The following KAZALD1 variants were observed in gnomAD, a reference collection of about 807,000 sequenced individuals.
The protein encoded by KAZALD1 is Kazal type serine peptidase inhibitor domain 1.
Under a neutral mutation model 27.7 loss-of-function variants are expected in KAZALD1, and 31 were observed. The ratio of observed to expected loss-of-function variants is 1.12; its 90% CI spans 0.84 to 1.51. KAZALD1 has a LOEUF of 1.51. Ranked by LOEUF, KAZALD1 falls within the 40% of genes most tolerant of loss-of-function variation. The pLI, the probability that KAZALD1 is intolerant of heterozygous loss-of-function variation, is 0.00. For missense variants in KAZALD1, 444 were observed against 408.9 expected, an observed-to-expected ratio of 1.09 and a Z score of -0.74; for synonymous variants, 179 against 182.0, an observed-to-expected ratio of 0.98 and a Z score of 0.13.
chr10:101,064,713 A>G (rs1939272595), intron 4 of KAZALD1, 65 bp downstream of exon 4: 1 of 1,608,274 alleles, frequency 6.2e-7, no homozygotes, highest in South Asian at 1.1e-5. Context: ...TGAATGTGTA[A>G]GAAACAGACC....
At position 101,066,523 on chromosome 10, in the gene KAZALD1, G is replaced by C. The variant is rs1651304281; in HGVS notation, c.*1603G>C. On this transcript the variant is annotated 3_prime_UTR_variant, in exon 5 of 5. Transcript: ENST00000370200. ...CTGGATACCGGGAGCCGATTCCAGG[G>C]CGCCCACAGAAGCAGAATCAGAGGG... 2.2e-6 allele frequency: 1 copy of C among 454,602 alleles called. No homozygotes were observed. The highest frequency in any genetic ancestry group is 4.4e-6 in the Non-Finnish European group (1 of 225,410). 28.2% of individuals were successfully genotyped at this position (454,602 alleles called of 1,614,324 possible). A position where few individuals can be genotyped will look rare whatever the true frequency, so the allele number is the denominator to read the frequency against.
Position 101,066,197 on chromosome 10 carries a change from T to C in KAZALD1, c.*1277T>C. 1 of 341,500 alleles carries C rather than the reference T, an allele frequency of 2.9e-6. No homozygotes were observed. The highest frequency in any genetic ancestry group is 5.9e-6 in the Non-Finnish European group (1 of 170,546). The allele number at this position is 341,500 out of a possible 1,614,324, so 21.2% of individuals were successfully genotyped here. ...GCGAGGCCGAGGCGCTGTGTGTAGATGGCGACAGCCTCCTACACGCCAGGG... is the reference window on the plus strand; with the variant it reads ...GCGAGGCCGAGGCGCTGTGTGTAGACGGCGACAGCCTCCTACACGCCAGGG... On this transcript the variant is annotated 3_prime_UTR_variant, in exon 5 of 5. Coordinates refer to ENST00000370200, the MANE Select transcript of KAZALD1 (RefSeq NM_030929.5).
In KAZALD1 at chr10:101,064,358, C is replaced by G. The variant is rs554873403; in HGVS notation, c.609C>G (p.Ile203Met). The change falls in exon 3 of 5, where the codon ATC (isoleucine) becomes ATG (methionine). Residue 203 changes from isoleucine (I) to methionine (M), a missense_variant. By Grantham distance (10) the Ile-to-Met change is conservative (BLOSUM62 1). Transcript: ENST00000370200. ...CEVFAYPMAS[I>M]EWRKDGLDIQ... is the part of the protein sequence containing the mutation. ...TGTTTGCCTACCCCATGGCCTCCATCGAGTGGAGGAAGGATGGCTTGGACA... is the reference window on the plus strand; with the variant it reads ...TGTTTGCCTACCCCATGGCCTCCATGGAGTGGAGGAAGGATGGCTTGGACA... 3 of 1,614,132 alleles carry G rather than the reference C, an allele frequency of 1.9e-6. No individual in the cohort carries two copies. The highest frequency in any genetic ancestry group is 3.3e-5 in the Admixed American group (2 of 60,026).
At position 101,064,379 on chromosome 10, in the gene KAZALD1, G is replaced by A. The variant is rs1939257925; in HGVS notation, c.630G>A (p.Leu210=). The part of the protein sequence containing the change: ...MASIEWRKDG[L]DIQLPGDDPH... Reference sequence around the variant, plus strand: ...CCATCGAGTGGAGGAAGGATGGCTTGGACATCCAGCTGCCAGGGGATGACC... The same window carrying A: ...CCATCGAGTGGAGGAAGGATGGCTTAGACATCCAGCTGCCAGGGGATGACC... Residue 210 remains leucine (L), a synonymous_variant, in exon 3 of 5, where the codon TTG becomes TTA. Coordinates refer to ENST00000370200, the MANE Select transcript of KAZALD1 (RefSeq NM_030929.5). 1 of 1,614,212 alleles carries A rather than the reference G, an allele frequency of 6.2e-7. No individual in the cohort carries two copies.
Position 101,064,125 on chromosome 10 carries a change from A to G in KAZALD1, c.512-136A>G, listed in dbSNP as rs569525522. 9 of 819,790 alleles carry G rather than the reference A, an allele frequency of 1.1e-5. No individual in the cohort carries two copies. In the East Asian group the frequency reaches 2.4e-4, roughly 22 times the overall value. 50.8% of individuals were successfully genotyped at this position (819,790 alleles called of 1,614,324 possible). A position where few individuals can be genotyped will look rare whatever the true frequency, so the allele number is the denominator to read the frequency against. ...TACCTGTGTGTGTCACGGTGTGTTT[A>G]TGGATGTGTATTTACCTCAGCATAT... On this transcript the variant is annotated intron_variant, in intron 2 of 4. Transcript: ENST00000370200.
At chr10:101,062,203 C>T in intron 1 of KAZALD1, 88 bp downstream of exon 1, 1 of 243,340 alleles carries the variant, frequency 4.1e-6, no homozygotes, top group Non-Finnish European at 7.9e-6. Flanking sequence ...ACTTCTGGAG[C>T]CACCCATTCT....
At position 101,062,703 on chromosome 10, in the gene KAZALD1, T is replaced by C; in HGVS notation, c.111T>C (p.Asp37=). ...PTGARPSPGP[D]YLRRGWMRLL... ...GCGCAAGGCCATCCCCAGGCCCAGA[T>C]TACCTGCGGCGCGGCTGGATGCGGC... The change falls in exon 2 of 5, where the codon GAT becomes GAC. Residue 37 remains aspartate (D), a synonymous_variant. Coordinates refer to ENST00000370200, the MANE Select transcript of KAZALD1 (RefSeq NM_030929.5). 1 of 1,534,848 alleles carries C rather than the reference T, an allele frequency of 6.5e-7. No individual in the cohort carries two copies.
At position 101,065,072 on chromosome 10, in the gene KAZALD1, A is replaced by G. The variant is rs1055281274; in HGVS notation, c.*152A>G. ...TGGGAGGCCTATTTGACTCCAAGGTAGCAGTGTGGTAGGATAGAGACAAAA... is the reference window on the plus strand; with the variant it reads ...TGGGAGGCCTATTTGACTCCAAGGTGGCAGTGTGGTAGGATAGAGACAAAA... On this transcript the variant is annotated 3_prime_UTR_variant, in exon 5 of 5. Transcript: ENST00000370200. 23 of 631,606 alleles carry G rather than the reference A, an allele frequency of 3.6e-5. No homozygotes were observed. The highest frequency in any genetic ancestry group is 3.3e-4 in the African/African-American group (18 of 54,770). The allele number at this position is 631,606 out of a possible 1,614,324, so 39.1% of individuals were successfully genotyped here.
In KAZALD1 at chr10:101,065,843, A is replaced by T. The variant is rs970895227; in HGVS notation, c.*923A>T. On this transcript the variant is annotated 3_prime_UTR_variant, in exon 5 of 5. Coordinates refer to ENST00000370200, the MANE Select transcript of KAZALD1 (RefSeq NM_030929.5). ...ATATACATTATCTGCTTCTTTGCTC[A>T]TCTTATTCCAAACCCTTCCCCAGGC... is the stretch of plus-strand genomic sequence containing the variant. Among the ~76,000 whole-genome samples the T allele has an allele frequency of 9.2e-5, 14 of 152,188 alleles. No individual in the cohort carries two copies. The highest frequency in any genetic ancestry group is 2.1e-4 in the South Asian group (1 of 4,832).
At chr10:101,067,244 C>CT (rs1214043275), downstream of KAZALD1, 1 of 456,636 alleles carries the variant, frequency 2.2e-6, no homozygotes, top group Non-Finnish European at 4.4e-6. Context: ...GTTTTGTGTC[C>CT]TAGGTTGCTC....
Position 101,066,662 on chromosome 10 carries a change from T to C in KAZALD1, c.*1742T>C. On this transcript the variant is annotated 3_prime_UTR_variant, in exon 5 of 5. Transcript: ENST00000370200. ...AGCCAGGGAATCCGCCCCTAGCTTGTTCTTCGCCCAGCTGGGCTCCAAGAC... is the reference window on the plus strand; with the variant it reads ...AGCCAGGGAATCCGCCCCTAGCTTGCTCTTCGCCCAGCTGGGCTCCAAGAC... The C allele has an allele frequency of 2.7e-6, 1 of 369,776 alleles. No homozygotes were observed. Among genetic ancestry groups the C allele is most frequent in the South Asian group, 2.0e-5 (1 of 50,662 alleles). 22.9% of individuals were successfully genotyped at this position (369,776 alleles called of 1,614,324 possible).
At position 101,065,772 on chromosome 10, in the gene KAZALD1, T is replaced by C. The variant is rs1939304515; in HGVS notation, c.*852T>C. Reference sequence around the variant, plus strand: ...TTGAGGGAGGGAGGCTGGAGCCATATGGCTGGAGGGAAGTTATCTTCCCCG... The same window carrying C: ...TTGAGGGAGGGAGGCTGGAGCCATACGGCTGGAGGGAAGTTATCTTCCCCG... On this transcript the variant is annotated 3_prime_UTR_variant, in exon 5 of 5. Coordinates refer to ENST00000370200, the MANE Select transcript of KAZALD1 (RefSeq NM_030929.5). Among the ~76,000 whole-genome samples the C allele has an allele frequency of 6.6e-6, 1 of 152,248 alleles. No homozygotes were observed. Among genetic ancestry groups the C allele is most frequent in the Admixed American group, 6.5e-5 (1 of 15,282 alleles).
intron 1 of KAZALD1, 128 bp from the exon 2 acceptor site, chr10:101,062,414 G>T (rs530892915): frequency 2.3e-6 from 2 of 867,864 alleles, no homozygotes; most frequent in Admixed American, 6.0e-5. Context: ...CTGTGTGTTG[G>T]GGGAGGCTAC....
rs113195308 is a variant in KAZALD1, at chr10:101,065,062, A to T, written c.*142A>T. 1,811 of 641,592 alleles carry T rather than the reference A, an allele frequency of 2.8e-3. 25 individuals are homozygous for T. In the African/African-American group the frequency reaches 0.03, roughly 11 times the overall value. 39.7% of individuals were successfully genotyped at this position (641,592 alleles called of 1,614,324 possible). A position where few individuals can be genotyped will look rare whatever the true frequency, so the allele number is the denominator to read the frequency against. ...GGGATGATCATGGGAGGCCTATTTG[A>T]CTCCAAGGTAGCAGTGTGGTAGGAT... On this transcript the variant is annotated 3_prime_UTR_variant, in exon 5 of 5. Transcript: ENST00000370200.
At position 101,063,068 on chromosome 10, in the gene KAZALD1, A is replaced by G. The variant is rs772741240; in HGVS notation, c.476A>G (p.Asn159Ser). 8 of 1,576,352 alleles carry G rather than the reference A, an allele frequency of 5.1e-6. No individual in the cohort carries two copies. The African/African-American group carries it at 6.8e-5, about 13-fold the overall frequency. ...GCGGCCCGCGCTCGGCCCGATGCCA[A>G]CCTCACTGTGGCACACCCGGGGCCC... ...QEAARARPDANLTVAHPGPCE... is the reference protein window; with the variant it reads ...QEAARARPDASLTVAHPGPCE... The change falls in exon 2 of 5, where the codon AAC becomes AGC. Residue 159 changes from asparagine (N) to serine (S), a missense_variant. Physicochemically the swap from Asn to Ser is conservative, Grantham distance 46. Coordinates refer to ENST00000370200, the MANE Select transcript of KAZALD1 (RefSeq NM_030929.5).
chr10:101,063,532 C>G (rs936818015), intron 2 of KAZALD1, among the ~76,000 whole-genome samples: 2 of 152,218 alleles, frequency 1.3e-5, no homozygotes, highest in Non-Finnish European at 2.9e-5. Flanking sequence ...CCAGTCTCCC[C>G]ACCTCTCTGC....
At position 101,062,103 on chromosome 10, in the gene KAZALD1, T is replaced by C. The variant is rs189018082; in HGVS notation, c.-64T>C. On this transcript the variant is annotated 5_prime_UTR_variant, in exon 1 of 5. Transcript: ENST00000370200. ...ATCACGGCTGCTGCGAAGGGTCTAG[T>C]TCCGGACACTAGGTGAGCACTCTGT... is the stretch of plus-strand genomic sequence containing the variant. The C allele has an allele frequency of 3.0e-5, 5 of 168,908 alleles. No homozygotes were observed. The highest frequency in any genetic ancestry group is 7.2e-5 in the African/African-American group (3 of 41,826). 10.5% of individuals were successfully genotyped at this position (168,908 alleles called of 1,614,324 possible).
In KAZALD1 at chr10:101,066,482, C is replaced by T. The variant is rs1277840894; in HGVS notation, c.*1562C>T. 6.6e-6 allele frequency: 3 copies of T among 456,362 alleles called. No homozygotes were observed. The highest frequency in any genetic ancestry group is 1.3e-5 in the Non-Finnish European group (3 of 226,876). 28.3% of individuals were successfully genotyped at this position (456,362 alleles called of 1,614,324 possible). On this transcript the variant is annotated 3_prime_UTR_variant, in exon 5 of 5. Coordinates refer to ENST00000370200, the MANE Select transcript of KAZALD1 (RefSeq NM_030929.5). ...AGCGGGCGGCCCTAGGAGCCGCGCA[C>T]AACAGCGCAAGCGGGCTGGATACCG...
At chr10:101,067,124 C>CA (rs1384256937), downstream of KAZALD1, 1 of 345,522 alleles carries the variant, frequency 2.9e-6, no homozygotes, top group African/African-American at 2.3e-5. Context: ...CCGCTGCTCC[C>CA]GGGGGAAGGC....
Sources: gnomAD v4.1 joint callset for allele counts (sites outside exome capture counted in the v4.1 genomes callset) on GRCh38, gnomAD v4.1.1 for gene constraint, MANE v1.5 for transcripts, NCBI Gene and HGNC (gene_info 2026-07-23, HGNC 2026-07-21) for gene names.